Variants in ITGAM observed in about 807,000 individuals in gnomAD.
ITGAM encodes integrin subunit alpha M.
ITGAM carries 79 observed loss-of-function variants against 137.5 expected under a neutral mutation model. The ratio of observed to expected loss-of-function variants is 0.57; its 90% CI spans 0.48 to 0.69. The LOEUF (loss-of-function observed/expected upper bound fraction) is 0.69. Among genes scored for constraint, ITGAM ranks in the 30% least tolerant of loss-of-function variants. ITGAM has a pLI of 0.00. For missense variants in ITGAM, 1,343 were observed against 1,483.5 expected (o/e 0.91, Z 1.56); for synonymous variants, 583 against 592.3 (o/e 0.98, Z 0.23).
intron 2 of ITGAM, among the ~76,000 whole-genome samples, chr16:31,263,566 A>G (rs2079729274): frequency 6.6e-6 from 1 of 151,818 alleles, no homozygotes. Context: ...AGTAGGTGAG[A>G]AGTGGTATCT....
chr16:31,324,757 AT>A lies in ITGAM; in HGVS notation c.2265del (p.Asp755GlufsTer33). ...FGNLRPVLAEDAQRLFTALFP... is the reference protein window; with the variant it reads ...FGNLRPVLAEXAQRLFTALFP... ...AACCTCCGGCCAGTGCTGGCGGAGG[AT>A]GCTCAGAGACTCTTCACAGCCTTGG... is the stretch of plus-strand genomic sequence containing the variant. On this transcript the variant is annotated frameshift_variant, in exon 18 of 30. Transcript: ENST00000544665. LOFTEE classifies it high-confidence loss of function. The surrounding 1 kb of genome is among the most constrained non-coding windows in gnomAD (Gnocchi z 4.5). 6.3e-7 allele frequency: 1 copy of A among 1,575,898 alleles called. No individual in the cohort carries two copies. The highest frequency in any genetic ancestry group is 1.4e-5 in the African/African-American group (1 of 73,682).
chr16:31,311,103 C>T (rs2080324939), intron 14 of ITGAM, among the ~76,000 whole-genome samples: 1 of 152,182 alleles, frequency 6.6e-6, no homozygotes, highest in African/African-American at 2.4e-5. Context: ...GAAACTGGAT[C>T]CCTTCCTTAC....
intron 24 of ITGAM, 54 bp from the exon 25 acceptor site, chr16:31,329,744 C>T (rs1484594155): frequency 2.0e-6 from 3 of 1,477,090 alleles, no homozygotes; most frequent in East Asian, 2.5e-5. Flanking sequence ...GGCTGATTCT[C>T]CAGGCTGGTG....
chr16:31,330,489 C>G lies in ITGAM; in HGVS notation c.3175-15C>G. On this transcript the variant is annotated splice_polypyrimidine_tract_variant and intron_variant, in intron 27 of 29. Transcript: ENST00000544665. The stretch of plus-strand genomic sequence containing the variant: ...TCAGGGCCCAGGTGCAGTGCCCACC[C>G]GCTCTCTTCCACAGACCTCGCATAA... 6.2e-7 allele frequency: 1 copy of G among 1,613,210 alleles called. No homozygotes were observed. Among genetic ancestry groups the G allele is most frequent in the Non-Finnish European group, 8.5e-7 (1 of 1,179,184 alleles).
rs201611271 is a variant in ITGAM, at chr16:31,273,540, T to C, written c.858+22T>C. The stretch of plus-strand genomic sequence containing the variant: ...TGGGGTAGGGAATGCAGCTCTCAGG[T>C]TGATGCTTCTGTGGAGGGTTTCTAT... On this transcript the variant is annotated intron_variant, in intron 8 of 29. Coordinates refer to ENST00000544665, the MANE Select transcript of ITGAM (RefSeq NM_000632.4). The C allele has an allele frequency of 6.8e-5, 109 of 1,611,672 alleles. No homozygotes were observed. In the African/African-American group the frequency reaches 6.9e-4, roughly 10 times the overall value.
intron 12 of ITGAM, among the ~76,000 whole-genome samples, chr16:31,284,728 C>G (rs1484498029): frequency 6.6e-5 from 10 of 152,200 alleles, no homozygotes; most frequent in Admixed American, 1.3e-4. Context: ...GCTGCACCCA[C>G]TCTCCTACAA....
chr16:31,322,987 A>G (rs1267573898), intron 16 of ITGAM, among the ~76,000 whole-genome samples: 1 of 152,172 alleles, frequency 6.6e-6, no homozygotes, highest in African/African-American at 2.4e-5. Flanking sequence ...ATATGGTGAA[A>G]GATCTAACAA....
intron 12 of ITGAM, among the ~76,000 whole-genome samples, chr16:31,296,712 C>G (rs2080138235): frequency 6.6e-6 from 1 of 152,154 alleles, no homozygotes; most frequent in African/African-American, 2.4e-5. Context: ...TCTCCTCCAC[C>G]TGGCTGCACT....
chr16:31,313,386 C>T (rs1015443718), intron 14 of ITGAM, among the ~76,000 whole-genome samples: 14 of 151,988 alleles, frequency 9.2e-5, no homozygotes, highest in Non-Finnish European at 2.1e-4. Context: ...CCCCCTTGAT[C>T]CCCACCCCTC....
At chr16:31,283,843 C>T (rs952266308) in intron 12 of ITGAM, among the ~76,000 whole-genome samples, 1 of 152,192 alleles carries the variant, frequency 6.6e-6, no homozygotes, top group Non-Finnish European at 1.5e-5. Flanking sequence ...TCTGGTTTCT[C>T]CCCATCTTTG....
At chr16:31,312,332 C>T (rs74895162) in intron 14 of ITGAM, among the ~76,000 whole-genome samples, 1,890 of 152,160 alleles carry the variant, frequency 0.012, 37 homozygotes, top group African/African-American at 0.043. Context: ...TCAATTAATG[C>T]TATCAACAAA....
intron 21 of ITGAM, among the ~76,000 whole-genome samples, chr16:31,326,404 A>C (rs1244209121): frequency 6.6e-6 from 1 of 152,100 alleles, no homozygotes; most frequent in Non-Finnish European, 1.5e-5. Flanking sequence ...GCTTTAAAAA[A>C]ATTGTTTTTA....
intron 12 of ITGAM, among the ~76,000 whole-genome samples, chr16:31,296,300 A>G (rs1222219489): frequency 1.3e-5 from 2 of 148,872 alleles, no homozygotes; most frequent in African/African-American, 5.0e-5. Context: ...TTTAGTAGAG[A>G]TGGGGTTTCA....
At position 31,278,152 on chromosome 16, in the gene ITGAM, C is replaced by T. The variant is rs759517468; in HGVS notation, c.1356+43C>T. The T allele has an allele frequency of 7.7e-6, 12 of 1,566,068 alleles. No individual in the cohort carries two copies. The East Asian group carries it at 1.2e-4, about 15-fold the overall frequency. On this transcript the variant is annotated intron_variant, in intron 12 of 29. Coordinates refer to ENST00000544665, the MANE Select transcript of ITGAM (RefSeq NM_000632.4). ...AGCATGAATGTGCAAACAGAGGCGC[C>T]CTGGGGTCTTAGAGATTCCAGGAGG...
At chr16:31,265,531 A>T in intron 3 of ITGAM, 33 bp downstream of exon 3, 1 of 1,440,546 alleles carries the variant, frequency 6.9e-7, no homozygotes, top group Middle Eastern at 1.8e-4. Flanking sequence ...TGGGACTGGG[A>T]TTCCCCTGTG....
intron 16 of ITGAM, among the ~76,000 whole-genome samples, chr16:31,323,561 A>G (rs2144488320): frequency 6.6e-6 from 1 of 152,366 alleles, no homozygotes; most frequent in Middle Eastern, 3.4e-3. Flanking sequence ...GACAAAGAGA[A>G]AAAAATTTAA....
intron 14 of ITGAM, among the ~76,000 whole-genome samples, chr16:31,302,933 T>TC: frequency 3.4e-4 from 19 of 55,252 alleles, no homozygotes; most frequent in African/African-American, 1.1e-3. Context: ...TCTTTCTTTC[T>TC]TTCTTTCTTT....
chr16:31,282,377 C>G lies in ITGAM; in HGVS notation c.1356+4268C>G, dbSNP rs146730581. 4.4e-3 allele frequency among the ~76,000 whole-genome samples: 669 copies of G among 152,024 alleles called. 7 individuals are homozygous for G. The highest frequency in any genetic ancestry group is 0.015 in the African/African-American group (618 of 41,454). On this transcript the variant is annotated intron_variant, in intron 12 of 29. Coordinates refer to ENST00000544665, the MANE Select transcript of ITGAM (RefSeq NM_000632.4). ...CTAAGTCTCTGTGTAGGTCACTAAG[C>G]ACTTGCTTTATGAATCTGGGTGCTC...
intron 14 of ITGAM, among the ~76,000 whole-genome samples, chr16:31,311,421 C>T (rs1381844493): frequency 6.6e-6 from 1 of 152,122 alleles, no homozygotes; most frequent in African/African-American, 2.4e-5. Context: ...CTACAATGAA[C>T]TCAAACAAAT....
Sources: allele counts gnomAD v4.1 joint callset (sites outside exome capture counted in the v4.1 genomes callset), GRCh38; gene constraint gnomAD v4.1.1; non-coding constraint Gnocchi (gnomAD v3.1); transcripts MANE v1.5; gene names NCBI Gene and HGNC (gene_info 2026-07-23, HGNC 2026-07-21).